The following RXRA variants were observed in gnomAD, a reference collection of about 807,000 sequenced individuals.
The protein encoded by RXRA is retinoic acid receptor RXR-alpha.
A neutral mutation model predicts 44.5 loss-of-function variants in RXRA; 5 were observed. The observed-to-expected ratio is 0.11, with a 90% CI of 0.06 to 0.24. The LOEUF (loss-of-function observed/expected upper bound fraction) is 0.24, where lower values mean the gene tolerates loss of function less well. Ranked by LOEUF, RXRA falls within the 10% of genes least tolerant of loss-of-function variation. The pLI is 1.00. For missense variants in RXRA, 412 were observed against 646.5 expected, an observed-to-expected ratio of 0.64 and a Z score of 3.93; for synonymous variants, 291 against 271.4, an observed-to-expected ratio of 1.07 and a Z score of -0.71.
chr9:134,408,592 GC>G (rs1564289009), intron 3 of RXRA, among the ~76,000 whole-genome samples: 3 of 152,224 alleles, frequency 2.0e-5, no homozygotes, highest in African/African-American at 7.2e-5. Context: ...CCAGTGCTGC[GC>G]CTCCTCCCTT....
rs568459432 is a variant in RXRA at position 134,409,146 on chromosome 9, C to T, written c.610+27C>T. The T allele has an allele frequency of 1.6e-5, 24 of 1,516,012 alleles. No individual in the cohort carries two copies. The South Asian group carries it at 1.7e-4, about 11-fold the overall frequency. The allele number at this position is 1,516,012 out of a possible 1,614,324, so 93.9% of individuals were successfully genotyped here. A position where few individuals can be genotyped will look rare whatever the true frequency, so the allele number is the denominator to read the frequency against. ...TAGGCCACGGCGTCGGGTGGGGGCG[C>T]GGGCAGGTGTTGGACAAACAGTGGG... On this transcript the variant is annotated intron_variant, in intron 4 of 9. Coordinates refer to ENST00000481739, the MANE Select transcript of RXRA (RefSeq NM_002957.6).
At chr9:134,352,436 A>C (rs113301852) in intron 1 of RXRA, among the ~76,000 whole-genome samples, 10,399 of 152,154 alleles carry the variant, frequency 0.068, 487 homozygotes, top group Middle Eastern at 0.13. Flanking sequence ...GCCCTGCTCT[A>C]GGCCCCAGGT....
At chr9:134,355,034 A>G (rs1455744131) in intron 1 of RXRA, among the ~76,000 whole-genome samples, 2 of 152,242 alleles carry the variant, frequency 1.3e-5, no homozygotes, top group East Asian at 1.9e-4. Context: ...GGTCAGGACC[A>G]TGATCCCAGG....
At position 134,415,381 on chromosome 9, in the gene RXRA, T is replaced by G. The variant is rs538222746; in HGVS notation, c.611-1777T>G. ...TGTAGCTTCAGGAGAAAGTGGCGGCTGACACCGTGGCGGGTAGGGGCAGGG... is the reference window on the plus strand; with the variant it reads ...TGTAGCTTCAGGAGAAAGTGGCGGCGGACACCGTGGCGGGTAGGGGCAGGG... On this transcript the variant is annotated intron_variant, in intron 4 of 9. Transcript: ENST00000481739. Among the ~76,000 whole-genome samples the G allele has an allele frequency of 5.5e-5, 8 of 146,542 alleles. No individual in the cohort carries two copies. In the Admixed American group the frequency reaches 5.5e-4, roughly 10 times the overall value.
chr9:134,382,786 C>T (rs1345830826), intron 1 of RXRA, among the ~76,000 whole-genome samples: 2 of 152,126 alleles, frequency 1.3e-5, no homozygotes, highest in Non-Finnish European at 2.9e-5. Flanking sequence ...AAGACATGTG[C>T]CTGAGAGCTG....
intron 1 of RXRA, among the ~76,000 whole-genome samples, chr9:134,398,796 G>A (rs990583823): frequency 1.3e-5 from 2 of 152,242 alleles, no homozygotes; most frequent in Non-Finnish European, 2.9e-5. Flanking sequence ...AAGGTGGGCG[G>A]CCTTCCCAGG....
intron 1 of RXRA, among the ~76,000 whole-genome samples, chr9:134,400,450 A>C (rs1412670356): frequency 1.3e-5 from 2 of 152,224 alleles, no homozygotes; most frequent in Non-Finnish European, 2.9e-5. Flanking sequence ...CCTGAGAGCC[A>C]TTCTGCAGAT....
At chr9:134,404,741 T>C (rs888109274) in intron 2 of RXRA, 8 of 152,288 alleles carry the variant, frequency 5.3e-5, no homozygotes, top group African/African-American at 1.9e-4. Context: ...GGAGCTGGTT[T>C]GCTCCTGCCT....
chr9:134,427,900 T>C (rs1485514722), intron 6 of RXRA, among the ~76,000 whole-genome samples: 1 of 151,806 alleles, frequency 6.6e-6, no homozygotes, highest in East Asian at 1.9e-4. Flanking sequence ...GCTCAGGGAG[T>C]GTGGAAGGTG....
intron 1 of RXRA, among the ~76,000 whole-genome samples, chr9:134,373,223 G>C: frequency 6.6e-6 from 1 of 152,212 alleles, no homozygotes. Context: ...TGAAGGACTC[G>C]GGTCCCAGAG....
chr9:134,406,311 T>C (rs546624456), intron 2 of RXRA: 2 of 150,576 alleles, frequency 1.3e-5, no homozygotes, highest in Non-Finnish European at 2.9e-5. Context: ...GGAGGATCAA[T>C]TGGGCCTGGA....
At chr9:134,435,667 G>A (rs867398533) in intron 9 of RXRA, among the ~76,000 whole-genome samples, 49 of 152,130 alleles carry the variant, frequency 3.2e-4, no homozygotes, top group African/African-American at 1.1e-3. Flanking sequence ...ACCTGCAGTG[G>A]GGGTGCAGCC....
At chr9:134,397,798 G>T (rs1830901248) in intron 1 of RXRA, among the ~76,000 whole-genome samples, 1 of 152,078 alleles carries the variant, frequency 6.6e-6, no homozygotes, top group Admixed American at 6.5e-5. Context: ...ATTCAGTTTT[G>T]CCACTCAGGC....
intron 1 of RXRA, among the ~76,000 whole-genome samples, chr9:134,345,878 C>T (rs552873036): frequency 1.4e-4 from 22 of 152,294 alleles, no homozygotes; most frequent in African/African-American, 4.6e-4. Context: ...TGGGTACCCC[C>T]GGGTGGGACT....
At chr9:134,327,573 A>C (rs1834935964) in intron 1 of RXRA, among the ~76,000 whole-genome samples, 1 of 152,272 alleles carries the variant, frequency 6.6e-6, no homozygotes, top group South Asian at 2.1e-4. Flanking sequence ...AGGCCGGGTG[A>C]AGGATTTGTG....
intron 6 of RXRA, chr9:134,423,378 G>T: frequency 5.1e-6 from 5 of 985,470 alleles, no homozygotes; most frequent in Non-Finnish European, 6.0e-6. Flanking sequence ...GCCTCAGCCC[G>T]ACTGGGGAGC....
chr9:134,391,282 G>A (rs770624463), intron 1 of RXRA, among the ~76,000 whole-genome samples: 1 of 152,210 alleles, frequency 6.6e-6, no homozygotes, highest in African/African-American at 2.4e-5. Flanking sequence ...AACTGCAGGG[G>A]TGTTCCTGAG....
At chr9:134,335,916 G>T (rs1163124477) in intron 1 of RXRA, among the ~76,000 whole-genome samples, 17 of 152,294 alleles carry the variant, frequency 1.1e-4, no homozygotes, top group Non-Finnish European at 1.2e-4. Flanking sequence ...CAGCTTAGGC[G>T]CCATTTGCCC....
intron 1 of RXRA, among the ~76,000 whole-genome samples, chr9:134,391,355 T>C (rs1830797029): frequency 6.6e-6 from 1 of 151,986 alleles, no homozygotes; most frequent in African/African-American, 2.4e-5. Context: ...AGCCTGGCCG[T>C]TCCACGACAG....
Sources: allele counts gnomAD v4.1 joint callset (sites outside exome capture counted in the v4.1 genomes callset), GRCh38; gene constraint gnomAD v4.1.1; transcripts MANE v1.5; gene names NCBI Gene and HGNC (gene_info 2026-07-23, HGNC 2026-07-21).